The following IRAK1BP1 variants were observed in gnomAD, a reference collection of about 807,000 sequenced individuals.
IRAK1BP1 encodes interleukin 1 receptor associated kinase 1 binding protein 1, also known as interleukin-1 receptor-associated kinase 1-binding protein 1.
Under a neutral mutation model 28.0 loss-of-function variants are expected in IRAK1BP1, and 24 were observed. The ratio of observed to expected loss-of-function variants is 0.86; its 90% CI spans 0.62 to 1.20. IRAK1BP1 has a LOEUF of 1.20. Among genes scored for constraint, IRAK1BP1 ranks in the 50% most tolerant of loss-of-function variants. The pLI is 0.00. For synonymous variants in IRAK1BP1, 131 were observed against 116.3 expected (o/e 1.13, Z -0.81); for missense variants, 336 against 316.7 (o/e 1.06, Z -0.46).
At chr6:78,975,506 G>A in the IRAK1BP1 span, among the ~76,000 whole-genome samples, 1 of 152,162 alleles carries the variant, frequency 6.6e-6, no homozygotes, top group African/African-American at 2.4e-5. Context: ...TCAACATAGT[G>A]ATGGAAGTTC....
intron 4 of IRAK1BP1, chr6:78,939,587 T>G (rs529328149): frequency 2.6e-5 from 4 of 152,022 alleles, no homozygotes; most frequent in Non-Finnish European, 4.4e-5. Context: ...AAGTATGTGT[T>G]TGTATATATA....
At chr6:78,952,230 C>A in the IRAK1BP1 span, among the ~76,000 whole-genome samples, 1 of 151,922 alleles carries the variant, frequency 6.6e-6, no homozygotes, top group African/African-American at 2.4e-5. Context: ...ACCATCCTGG[C>A]CAACATGGTG....
chr6:78,961,587 C>A, the IRAK1BP1 span: 1 of 1,067,068 alleles, frequency 9.4e-7, no homozygotes, highest in South Asian at 1.4e-5. Context: ...ATCTTATGTG[C>A]ATTCCTATAT....
the IRAK1BP1 span, chr6:78,955,015 A>C: frequency 2.2e-6 from 3 of 1,336,668 alleles, no homozygotes; most frequent in Admixed American, 7.7e-5. Flanking sequence ...ACACAATAAA[A>C]TTTGTACTTT....
chr6:78,963,024 G>T, the IRAK1BP1 span: 1 of 1,389,944 alleles, frequency 7.2e-7, no homozygotes, highest in Non-Finnish European at 9.6e-7. Context: ...AATTTTTGTT[G>T]GAGAATAACA....
intron 4 of IRAK1BP1, among the ~76,000 whole-genome samples, chr6:78,934,990 A>C (rs999529550): frequency 6.6e-6 from 1 of 152,146 alleles, no homozygotes; most frequent in Admixed American, 6.5e-5. Flanking sequence ...TACAAACACG[A>C]AGTACTATAT....
intron 4 of IRAK1BP1, among the ~76,000 whole-genome samples, chr6:78,912,888 C>A (rs1445528455): frequency 6.6e-6 from 1 of 152,124 alleles, no homozygotes; most frequent in East Asian, 1.9e-4. Context: ...TCCATGTTTA[C>A]ACTTATATAC....
rs1232329612 is a variant in IRAK1BP1, at chr6:78,900,340, A to C, written c.*2006A>C. ...TTTCCATTCTCTATACATCTAGGTC[A>C]TAGAGTTTTTCCATTGATAAATCTG... On this transcript the variant is annotated 3_prime_UTR_variant, in exon 4 of 4. Transcript: ENST00000369940. 1 of 152,240 alleles carries C rather than the reference A, an allele frequency of 6.6e-6. No homozygotes were observed. Among genetic ancestry groups the C allele is most frequent in the Non-Finnish European group, 1.5e-5 (1 of 68,040 alleles). 9.4% of individuals were successfully genotyped at this position (152,240 alleles called of 1,614,324 possible).
At chr6:78,917,528 A>G (rs1772592044) in intron 4 of IRAK1BP1, among the ~76,000 whole-genome samples, 1 of 151,398 alleles carries the variant, frequency 6.6e-6, no homozygotes, top group Admixed American at 6.6e-5. Flanking sequence ...TAATCTTGAT[A>G]GAGGTAGACA....
the IRAK1BP1 span, among the ~76,000 whole-genome samples, chr6:78,970,603 A>C: frequency 6.8e-4 from 104 of 152,216 alleles, 1 homozygote; most frequent in East Asian, 3.9e-4. Flanking sequence ...AATTCAGTCA[A>C]ATCTTGTGTT....
exon 5 of IRAK1BP1, chr6:78,945,669 C>A (rs1438214541): frequency 3.2e-6 from 2 of 629,350 alleles, no homozygotes; most frequent in African/African-American, 3.7e-5. Context: ...ACTAGAAACT[C>A]TTAATAGTTT....
At chr6:78,971,174 CATA>C in the IRAK1BP1 span, among the ~76,000 whole-genome samples, 2 of 152,136 alleles carry the variant, frequency 1.3e-5, no homozygotes, top group African/African-American at 2.4e-5. Flanking sequence ...ATCTATGTTG[CATA>C]ATAACGTTGA....
At chr6:78,969,178 A>G in the IRAK1BP1 span, among the ~76,000 whole-genome samples, 2 of 152,210 alleles carry the variant, frequency 1.3e-5, no homozygotes, top group South Asian at 2.1e-4. Context: ...TACAGAGCAC[A>G]TACAAGTTTT....
Position 78,898,287 on chromosome 6 carries a change from A to G in IRAK1BP1, c.736A>G (p.Ile246Val), listed in dbSNP as rs773224844. The G allele has an allele frequency of 9.3e-6, 15 of 1,608,866 alleles. No homozygotes were observed. In the South Asian group the frequency reaches 1.2e-4, roughly 13 times the overall value. The change falls in exon 4 of 4, where the codon ATA becomes GTA. Residue 246 changes from isoleucine to valine, a missense_variant. By Grantham distance (29) the Ile-to-Val change is conservative (BLOSUM62 3). Coordinates refer to ENST00000369940, the MANE Select transcript of IRAK1BP1 (RefSeq NM_001010844.4). ...AATACATGCTGCTTCAAAAGTATTT[A>G]TAACTTTTGAGGTAAAGGGAAAAGA... ...ATIHAASKVF[I>V]TFEVKGKEKR...
chr6:78,878,893 G>A (rs1393995613), intron 1 of IRAK1BP1, among the ~76,000 whole-genome samples: 2 of 152,182 alleles, frequency 1.3e-5, no homozygotes, highest in African/African-American at 4.8e-5. Context: ...CTGGAAGAAA[G>A]GGTATCAGTG....
At chr6:78,942,616 T>C (rs112662635) in intron 4 of IRAK1BP1, among the ~76,000 whole-genome samples, 3,683 of 152,270 alleles carry the variant, frequency 0.024, 146 homozygotes, top group African/African-American at 0.083. Flanking sequence ...AGATTAGTGG[T>C]TGGGAAAAAA....
chr6:78,902,957 T>A lies in IRAK1BP1; in HGVS notation c.*4623T>A. On this transcript the variant is annotated 3_prime_UTR_variant, in exon 4 of 4. Transcript: ENST00000369940. ...TACTATTAAAACAATAAAACTCTTA[T>A]AAACCTGTTTATCAGAAGGATATTT... The A allele has an allele frequency of 4.6e-6, 5 of 1,097,072 alleles. No homozygotes were observed. The highest frequency in any genetic ancestry group is 6.6e-6 in the Non-Finnish European group (5 of 752,818). The allele number at this position is 1,097,072 out of a possible 1,614,324, so 68.0% of individuals were successfully genotyped here.
chr6:78,969,988 T>C, the IRAK1BP1 span: 27 of 1,595,222 alleles, frequency 1.7e-5, no homozygotes, highest in Non-Finnish European at 2.2e-5. Flanking sequence ...CAAATGTATC[T>C]GAATCTTGAA....
At chr6:78,970,434 C>CA in the IRAK1BP1 span, among the ~76,000 whole-genome samples, 1 of 152,108 alleles carries the variant, frequency 6.6e-6, no homozygotes, top group African/African-American at 2.4e-5. Flanking sequence ...AGTAAGTTTT[C>CA]TATCACCATT....
Sources: gnomAD v4.1 joint callset for allele counts (sites outside exome capture counted in the v4.1 genomes callset) on GRCh38, gnomAD v4.1.1 for gene constraint, MANE v1.5 for transcripts, NCBI Gene and HGNC (gene_info 2026-07-23, HGNC 2026-07-21) for gene names.